Variants in LDLRAD4 observed in about 807,000 individuals in gnomAD.
LDLRAD4 encodes low density lipoprotein receptor class A domain containing 4, also known as low-density lipoprotein receptor class A domain-containing protein 4.
In LDLRAD4, 5 loss-of-function variants were observed where a neutral mutation model predicts 17.0. That is an observed-to-expected ratio of 0.29 (90% CI 0.15 to 0.62). The LOEUF (loss-of-function observed/expected upper bound fraction) is 0.62, where lower values mean the gene tolerates loss of function less well. Ranked by LOEUF, LDLRAD4 falls within the 20% of genes least tolerant of loss-of-function variation. The pLI is 0.84. For missense variants in LDLRAD4, 340 were observed against 424.7 expected, an observed-to-expected ratio of 0.80 and a Z score of 1.75; for synonymous variants, 168 against 171.8, an observed-to-expected ratio of 0.98 and a Z score of 0.17.
chr18:13,224,063 C>T (rs1232836557), intron 1 of LDLRAD4, among the ~76,000 whole-genome samples: 1 of 152,198 alleles, frequency 6.6e-6, no homozygotes, highest in Non-Finnish European at 1.5e-5. Flanking sequence ...CTTCTTGCCT[C>T]CGTGCTGTAG....
chr18:13,531,444 TAAAA>T (rs34206198), intron 3 of LDLRAD4, among the ~76,000 whole-genome samples: 7 of 138,018 alleles, frequency 5.1e-5, no homozygotes, highest in Admixed American at 7.2e-5. Flanking sequence ...ACCCCATATC[TAAAA>T]AAAAAAAAAA....
chr18:13,276,822 G>A (rs1273507575), upstream of LDLRAD4, among the ~76,000 whole-genome samples: 1 of 152,216 alleles, frequency 6.6e-6, no homozygotes. Flanking sequence ...CTCAAGGGGA[G>A]GGAGTTGTAC....
chr18:13,481,142 G>A (rs1447932838), intron 3 of LDLRAD4, among the ~76,000 whole-genome samples: 1 of 152,236 alleles, frequency 6.6e-6, no homozygotes, highest in Non-Finnish European at 1.5e-5. Flanking sequence ...GCTGAGAGCA[G>A]TTTGGAACAT....
chr18:13,399,509 T>A (rs984872838), intron 2 of LDLRAD4, among the ~76,000 whole-genome samples: 1 of 152,258 alleles, frequency 6.6e-6, no homozygotes, highest in African/African-American at 2.4e-5. Context: ...TATTGTTATT[T>A]CAGGCACACT....
At chr18:13,313,122 A>C (rs1013334749) in intron 1 of LDLRAD4, among the ~76,000 whole-genome samples, 4 of 152,218 alleles carry the variant, frequency 2.6e-5, no homozygotes, top group Non-Finnish European at 5.9e-5. Flanking sequence ...CACACTTCAT[A>C]GAATTTTGGG....
rs114550939 is a variant in LDLRAD4 at position 13,514,257 on chromosome 18, G to A, written c.181+75873G>A. ...AACTGTGACCTTGGAAGAGTAAACC[G>A]TTTCTTTAAACCTCAGTTTCCTCCT... On this transcript the variant is annotated intron_variant, in intron 3 of 5. Transcript: ENST00000359446. 6.3e-3 allele frequency among the ~76,000 whole-genome samples: 958 copies of A among 152,240 alleles called. 15 individuals are homozygous for A. Among genetic ancestry groups the A allele is most frequent in the African/African-American group, 0.022 (904 of 41,526 alleles).
chr18:13,342,680 A>G (rs146922475), intron 1 of LDLRAD4, among the ~76,000 whole-genome samples: 1,604 of 151,840 alleles, frequency 0.011, 11 homozygotes, highest in Non-Finnish European at 0.017. Flanking sequence ...TTTGCATGGA[A>G]TATTACAAAT....
chr18:13,605,235 T>A (rs971705598), intron 3 of LDLRAD4, among the ~76,000 whole-genome samples: 1 of 152,222 alleles, frequency 6.6e-6, no homozygotes, highest in African/African-American at 2.4e-5. Flanking sequence ...TCTGTTTTAA[T>A]GAGACAGGGT....
At chr18:13,381,992 G>A (rs2085405228) in intron 1 of LDLRAD4, among the ~76,000 whole-genome samples, 1 of 152,216 alleles carries the variant, frequency 6.6e-6, no homozygotes, top group Non-Finnish European at 1.5e-5. Flanking sequence ...AGTGGCCAGG[G>A]ATCGGCATCC....
upstream of LDLRAD4, among the ~76,000 whole-genome samples, chr18:13,275,388 A>C (rs1230861812): frequency 1.3e-5 from 2 of 152,228 alleles, no homozygotes; most frequent in African/African-American, 4.8e-5. Flanking sequence ...TTGTGTGTTC[A>C]TTCTTTTGGG....
intron 3 of LDLRAD4, among the ~76,000 whole-genome samples, chr18:13,446,379 G>A (rs2091404483): frequency 6.6e-6 from 1 of 152,184 alleles, no homozygotes; most frequent in Non-Finnish European, 1.5e-5. Flanking sequence ...TGAAGGGCTT[G>A]GGTGGTGGGG....
At chr18:13,288,444 TG>T (rs1326016818) in intron 1 of LDLRAD4, among the ~76,000 whole-genome samples, 2 of 152,242 alleles carry the variant, frequency 1.3e-5, no homozygotes, top group Admixed American at 6.5e-5. Flanking sequence ...AAAATTTAGT[TG>T]CTAATAGGAC....
In LDLRAD4 at chr18:13,226,160, A is replaced by G. The variant is rs555219985; in HGVS notation, c.-467+7172A>G. On this transcript the variant is annotated intron_variant, in intron 1 of 5. Coordinates refer to the LDLRAD4 transcript ENST00000399848. ...CTCAGCCTCCTAAGTATCTGGGACT[A>G]CAGATGCTGCCATGCCTTGCTTTTT... is the stretch of plus-strand genomic sequence containing the variant. Among the ~76,000 whole-genome samples the G allele has an allele frequency of 2.6e-3, 338 of 128,970 alleles. 1 individual carries two copies. The highest frequency in any genetic ancestry group is 0.01 in the Middle Eastern group (2 of 200). 84.6% of individuals were successfully genotyped at this position (128,970 alleles called of 152,430 possible).
intron 3 of LDLRAD4, among the ~76,000 whole-genome samples, chr18:13,579,618 T>C (rs1431588524): frequency 6.6e-6 from 1 of 152,182 alleles, no homozygotes; most frequent in Non-Finnish European, 1.5e-5. Flanking sequence ...TCATAGTGAA[T>C]TTCAGGTTTC....
rs1336939432 is a variant in LDLRAD4 at position 13,386,658 on chromosome 18, TC to T, written c.-382-682del. On this transcript the variant is annotated intron_variant, in intron 1 of 5. Coordinates refer to ENST00000359446, the Ensembl canonical transcript of LDLRAD4. ...TTGCTGGGATTACAGGCAAAATGCT[TC>T]TATTGTTATGTAACATATGGAGCAG... Among the ~76,000 whole-genome samples, 12 of 152,328 alleles carry T rather than the reference TC, an allele frequency of 7.9e-5. No individual in the cohort carries two copies. The East Asian group carries it at 1.9e-3, about 24-fold the overall frequency.
chr18:13,401,427 G>A lies in LDLRAD4; in HGVS notation c.40+13665G>A, dbSNP rs561201200. ...ACACTGAGTTTCACCACAGTAGAAG[G>A]GCTTTATATTTAGGGTTACTGCACT... On this transcript the variant is annotated intron_variant, in intron 2 of 5. Transcript: ENST00000359446. Among the ~76,000 whole-genome samples the A allele has an allele frequency of 1.8e-4, 28 of 152,060 alleles. 1 individual carries two copies. In the South Asian group the frequency reaches 5.2e-3, roughly 28 times the overall value.
At chr18:13,324,082 A>T (rs2081385746) in intron 1 of LDLRAD4, among the ~76,000 whole-genome samples, 1 of 135,704 alleles carries the variant, frequency 7.4e-6, no homozygotes, top group African/African-American at 3.0e-5. Context: ...TAGCATACCA[A>T]ATCTTGACGA....
rs185822619 is a variant in LDLRAD4, at chr18:13,298,942, A to G, written c.-383+20754A>G. 3.1e-3 allele frequency among the ~76,000 whole-genome samples: 468 copies of G among 152,358 alleles called. 2 individuals are homozygous for G. Among genetic ancestry groups the G allele is most frequent in the African/African-American group, 0.011 (440 of 41,592 alleles). ...TTCTTGAAATTCTGGGGGAGCATCC[A>G]CAGGCTGCCTTCATCACTGCCTCTG... On this transcript the variant is annotated intron_variant, in intron 1 of 5. Transcript: ENST00000359446.
chr18:13,390,701 G>A (rs1469210000), intron 2 of LDLRAD4, among the ~76,000 whole-genome samples: 1 of 152,152 alleles, frequency 6.6e-6, no homozygotes, highest in Non-Finnish European at 1.5e-5. Flanking sequence ...TCAGCAGGGG[G>A]GATCAAAATA....
Sources: gnomAD v4.1 joint callset for allele counts (sites outside exome capture counted in the v4.1 genomes callset) on GRCh38, gnomAD v4.1.1 for gene constraint, MANE v1.5 for transcripts, NCBI Gene and HGNC (gene_info 2026-07-23, HGNC 2026-07-21) for gene names.